The following SNRNP200 variants were observed in gnomAD, a reference collection of about 807,000 sequenced individuals.
SNRNP200 encodes small nuclear ribonucleoprotein U5 subunit 200.
SNRNP200 carries 66 observed loss-of-function variants against 255.2 expected under a neutral mutation model. The ratio of observed to expected loss-of-function variants is 0.26; its 90% confidence interval spans 0.21 to 0.32. SNRNP200 has a LOEUF of 0.32. SNRNP200 is among the 10% of genes least tolerant of loss of function. The probability of loss-of-function intolerance (pLI) is 1.00; values close to 1 mark genes in which losing one functional copy is unlikely to be tolerated. For missense variants in SNRNP200, 1,585 were observed against 2,749.8 expected (o/e 0.58, Z 9.47); for synonymous variants, 939 against 1,027.8 (o/e 0.91, Z 1.65).
At chr2:96,295,126 T>C (rs1463023007) in intron 14 of SNRNP200, among the ~76,000 whole-genome samples, 1 of 152,100 alleles carries the variant, frequency 6.6e-6, no homozygotes, top group Non-Finnish European at 1.5e-5. Context: ...GGAGAATTGC[T>C]TGAACTCGGG....
chr2:96,296,475 T>C (rs745581887), intron 13 of SNRNP200, 61 bp downstream of exon 13: 501 of 1,562,026 alleles, frequency 3.2e-4, no homozygotes, highest in Non-Finnish European at 4.2e-4. Context: ...GGTCCAGGCC[T>C]GTCCACAACA....
Position 96,277,402 on chromosome 2 carries a change from C to T in SNRNP200, c.5931+137G>A. On this transcript the variant is annotated intron_variant, in intron 41 of 44. Coordinates refer to ENST00000323853, the MANE Select transcript of SNRNP200 (RefSeq NM_014014.5). The surrounding 1 kb of genome is among the most constrained non-coding windows in gnomAD (Gnocchi z 4.4). ...CCACAGTTGGCAGGCTCTCTAGCATCTCAACAGGGAGCACCTTCGGAGGAA... is the reference window on the plus strand; with the variant it reads ...CCACAGTTGGCAGGCTCTCTAGCATTTCAACAGGGAGCACCTTCGGAGGAA... 1.5e-6 allele frequency: 2 copies of T among 1,293,282 alleles called. No individual in the cohort carries two copies. Among genetic ancestry groups the T allele is most frequent in the African/African-American group, 2.9e-5 (2 of 68,892 alleles). 80.1% of individuals were successfully genotyped at this position (1,293,282 alleles called of 1,614,324 possible).
In SNRNP200 at chr2:96,279,015, GAGA is replaced by G. The variant is rs1558763488; in HGVS notation, c.5134-20_5134-18del. On this transcript the variant is annotated intron_variant, in intron 36 of 44. Coordinates refer to ENST00000323853, the MANE Select transcript of SNRNP200 (RefSeq NM_014014.5). Reference sequence around the variant, plus strand: ...GAAGAAATCCTGTGGGTTGGAGAGGGAGAAGGAGTAATAAAGAATTAGTGACAA... The same window carrying G: ...GAAGAAATCCTGTGGGTTGGAGAGGGAGGAGTAATAAAGAATTAGTGACAA... 21 of 1,602,772 alleles carry G rather than the reference GAGA, an allele frequency of 1.3e-5. No individual in the cohort carries two copies. The highest frequency in any genetic ancestry group is 1.8e-5 in the Non-Finnish European group (21 of 1,169,852).
chr2:96,275,180 G>A, intron 44 of SNRNP200, 25 bp from the exon 45 acceptor site: 3 of 1,614,224 alleles, frequency 1.9e-6, no homozygotes, highest in Non-Finnish European at 2.5e-6. Context: ...CAGAAATCAA[G>A]ATGAGCATGG....
Position 96,299,319 on chromosome 2 carries a change from C to T in SNRNP200, c.729+10G>A. ...CCTTGTAGCAATGAGGAAGAGCAAA[C>T]TGAACTTACATTAGCCGAGAGGGTG... On this transcript the variant is annotated intron_variant, in intron 6 of 44. Coordinates refer to ENST00000323853, the MANE Select transcript of SNRNP200 (RefSeq NM_014014.5). 1 of 1,612,846 alleles carries T rather than the reference C, an allele frequency of 6.2e-7. No homozygotes were observed. Among genetic ancestry groups the T allele is most frequent in the Non-Finnish European group, 8.5e-7 (1 of 1,178,956 alleles).
At chr2:96,281,729 C>G in intron 35 of SNRNP200, 85 bp downstream of exon 35, 2 of 1,114,222 alleles carry the variant, frequency 1.8e-6, no homozygotes, top group Non-Finnish European at 2.8e-6. Flanking sequence ...TTTTCTTCAT[C>G]CTAGCTTACT....
Position 96,296,578 on chromosome 2 carries a change from G to GGGGGCAATGTAGATAATCTTGAA in SNRNP200, c.1606_1628dup (p.Met544SerfsTer34). 1 of 1,614,112 alleles carries GGGGGCAATGTAGATAATCTTGAA rather than the reference G, an allele frequency of 6.2e-7. No individual in the cohort carries two copies. The highest frequency in any genetic ancestry group is 2.2e-5 in the East Asian group (1 of 44,888). The stretch of plus-strand genomic sequence containing the variant: ...CCATCTCCTGCACCAAGGAGCGCAT[G>GGGGGCAATGTAGATAATCTTGAA]GGGGCAATGTAGATAATCTTGAAGT... On this transcript the variant is annotated frameshift_variant, in exon 13 of 45. Transcript: ENST00000323853. LOFTEE classifies it high-confidence loss of function.
Position 96,287,380 on chromosome 2 carries a change from T to C in SNRNP200, c.3484+59A>G, listed in dbSNP as rs146116393. On this transcript the variant is annotated intron_variant, in intron 26 of 44. Coordinates refer to ENST00000323853, the MANE Select transcript of SNRNP200 (RefSeq NM_014014.5). This position sits in a 1 kb window ranked among gnomAD's most constrained non-coding sequence, Gnocchi z 5.7. The stretch of plus-strand genomic sequence containing the variant: ...CAGGCCTAGGAACAGGAAGACTACA[T>C]AGGCAAACTGGGAGAGACACCCAGG... 6.8e-6 allele frequency: 9 copies of C among 1,323,606 alleles called. No individual in the cohort carries two copies. Among genetic ancestry groups the C allele is most frequent in the Non-Finnish European group, 9.8e-6 (9 of 915,224 alleles). The allele number at this position is 1,323,606 out of a possible 1,614,324, so 82.0% of individuals were successfully genotyped here.
chr2:96,305,480 C>A lies in SNRNP200; in HGVS notation c.-43G>T. 2 of 1,613,070 alleles carry A rather than the reference C, an allele frequency of 1.2e-6. No individual in the cohort carries two copies. Among genetic ancestry groups the A allele is most frequent in the Non-Finnish European group, 1.7e-6 (2 of 1,179,890 alleles). On this transcript the variant is annotated 5_prime_UTR_variant, in exon 1 of 45. Coordinates refer to ENST00000323853, the MANE Select transcript of SNRNP200 (RefSeq NM_014014.5). ...GGCTTCAGACCACCACGCCTCCCTACCGCAAGCTGCAAACGGCCGCAGATC... is the reference window on the plus strand; with the variant it reads ...GGCTTCAGACCACCACGCCTCCCTAACGCAAGCTGCAAACGGCCGCAGATC...
At chr2:96,305,251 T>TA in intron 1 of SNRNP200, 142 bp downstream of exon 1, 1 of 1,125,442 alleles carries the variant, frequency 8.9e-7, no homozygotes, top group Non-Finnish European at 1.3e-6. Flanking sequence ...CGTCATCGTA[T>TA]AACCCCCACC....
chr2:96,274,928 G>A lies in SNRNP200; in HGVS notation c.*84C>T. 1 of 1,540,712 alleles carries A rather than the reference G, an allele frequency of 6.5e-7. No homozygotes were observed. The highest frequency in any genetic ancestry group is 2.2e-5 in the East Asian group (1 of 44,526). The stretch of plus-strand genomic sequence containing the variant: ...GCCAGACCTGAGGCCCACAGACCTG[G>A]TCCCCACAACCAGGATTCCTACAAT... On this transcript the variant is annotated 3_prime_UTR_variant, in exon 45 of 45. Transcript: ENST00000323853.
At chr2:96,275,746 T>TC (rs1319663809) in intron 43 of SNRNP200, among the ~76,000 whole-genome samples, 3 of 152,232 alleles carry the variant, frequency 2.0e-5, no homozygotes, top group African/African-American at 7.2e-5. Flanking sequence ...CTCACGCCTG[T>TC]AATCCCAGCA....
chr2:96,302,967 G>C (rs1399060497), intron 3 of SNRNP200, among the ~76,000 whole-genome samples, 192 bp downstream of exon 3: 2 of 152,060 alleles, frequency 1.3e-5, no homozygotes, highest in African/African-American at 4.8e-5. Flanking sequence ...TTTTTATGGA[G>C]GCTTCATTAT....
At chr2:96,302,674 GGTT>G (rs1357062265) in intron 3 of SNRNP200, among the ~76,000 whole-genome samples, 1 of 152,190 alleles carries the variant, frequency 6.6e-6, no homozygotes, top group African/African-American at 2.4e-5. Context: ...CACAAGCACA[GGTT>G]GTTTGACCTG....
chr2:96,278,802 C>T lies in SNRNP200; in HGVS notation c.5323+7G>A. 1 of 1,614,178 alleles carries T rather than the reference C, an allele frequency of 6.2e-7. No homozygotes were observed. On this transcript the variant is annotated splice_region_variant and intron_variant, in intron 37 of 44. Transcript: ENST00000323853. The surrounding 1 kb of genome is among the most constrained non-coding windows in gnomAD (Gnocchi z 6.9). ...AAAGGATCACGTGTGCTCCCAAGCC[C>T]ACTGACCCTGCAGGTTGTAGTAATT...
intron 14 of SNRNP200, among the ~76,000 whole-genome samples, chr2:96,295,251 C>T (rs2063909884): frequency 6.6e-6 from 1 of 152,138 alleles, no homozygotes. Context: ...AGATGGCAAA[C>T]ACAAGCTGAC....
Position 96,283,773 on chromosome 2 carries a change from A to G in SNRNP200, c.4584+40T>C. 3 of 1,613,924 alleles carry G rather than the reference A, an allele frequency of 1.9e-6. No individual in the cohort carries two copies. The highest frequency in any genetic ancestry group is 2.5e-6 in the Non-Finnish European group (3 of 1,179,868). ...ATCAGACCTGGGTCACTCAGGATCT[A>G]TGTGACACCCCACAGACGGATGAGG... On this transcript the variant is annotated intron_variant, in intron 32 of 44. Transcript: ENST00000323853. The surrounding 1 kb of genome is among the most constrained non-coding windows in gnomAD (Gnocchi z 4.7).
chr2:96,298,292 G>C lies in SNRNP200; in HGVS notation c.1111C>G (p.Leu371Val). 6.2e-7 allele frequency: 1 copy of C among 1,614,222 alleles called. No homozygotes were observed. The highest frequency in any genetic ancestry group is 8.5e-7 in the Non-Finnish European group (1 of 1,180,036). Residue 371 changes from leucine (L) to valine (V), a missense_variant, in exon 9 of 45, where the codon CTG (leucine) becomes GTG (valine). Physicochemically the swap from Leu to Val is conservative, Grantham distance 32. Around this residue, in one of 9 missense-constraint regions of SNRNP200, gnomAD observed 383 missense variants for 645.3 expected, o/e 0.59. Transcript: ENST00000323853. ...ACCAACCCAGTCCTTACTCGGATCA[G>C]ATCCTCCTTCTCGGTTTCATGAAGC... ...YQLHETEKED[L>V]IREERSRRER...
rs1343170533 is a variant in SNRNP200, at chr2:96,300,635, C to T, written c.630+363G>A. ...AAAATTAGCCGGGCATGGTGGCGGG[C>T]GCCTATAGTCCCAGCTGCTCGGGAG... On this transcript the variant is annotated intron_variant, in intron 5 of 44. Transcript: ENST00000323853. Among the ~76,000 whole-genome samples the T allele has an allele frequency of 3.3e-5, 5 of 151,928 alleles. No individual in the cohort carries two copies. In the South Asian group the frequency reaches 8.3e-4, roughly 25 times the overall value.
Sources: allele counts gnomAD v4.1 joint callset (sites outside exome capture counted in the v4.1 genomes callset), GRCh38; gene constraint gnomAD v4.1.1; regional missense constraint gnomAD v4.1.1; non-coding constraint Gnocchi (gnomAD v3.1); transcripts MANE v1.5; gene names NCBI Gene and HGNC (gene_info 2026-07-23, HGNC 2026-07-21).